The following NFATC3 variants were observed in gnomAD, a reference collection of about 807,000 sequenced individuals.
NFATC3 encodes the protein nuclear factor of activated T cells 3.
NFATC3 carries 46 observed loss-of-function variants against 98.6 expected under a neutral mutation model. The ratio of observed to expected loss-of-function variants is 0.47; its 90% CI spans 0.37 to 0.60. The LOEUF is 0.60. Among genes scored for constraint, NFATC3 ranks in the 20% least tolerant of loss-of-function variants. The probability of loss-of-function intolerance (pLI) is 0.00; values close to 1 mark genes in which losing one functional copy is unlikely to be tolerated. For missense variants in NFATC3, 1,256 were observed against 1,295.5 expected (o/e 0.97, Z 0.47); for synonymous variants, 512 against 472.2 (o/e 1.08, Z -1.09).
intron 9 of NFATC3, chr16:68,192,261 GTATA>G (rs71382034): frequency 9.9e-6 from 1 of 101,404 alleles, no homozygotes; most frequent in African/African-American, 3.8e-5. Flanking sequence ...ATATGTATGT[GTATA>G]TATATATGTA....
intron 3 of NFATC3, among the ~76,000 whole-genome samples, chr16:68,147,755 GAAAAAAAA>G (rs1191298518): frequency 1.1e-5 from 1 of 87,772 alleles, no homozygotes; most frequent in Non-Finnish European, 2.4e-5. Flanking sequence ...TCTGTGAACT[GAAAAAAAA>G]AAAAAAAAAA....
intron 4 of NFATC3, among the ~76,000 whole-genome samples, chr16:68,163,963 G>A (rs1460748911): frequency 2.6e-5 from 4 of 151,680 alleles, no homozygotes; most frequent in South Asian, 2.1e-4. Flanking sequence ...GACGATGGGC[G>A]GCCAGGCAGA....
chr16:68,108,711 A>G (rs961535985), intron 1 of NFATC3, among the ~76,000 whole-genome samples: 2 of 152,188 alleles, frequency 1.3e-5, no homozygotes, highest in Non-Finnish European at 2.9e-5. Flanking sequence ...ATCCATGAGC[A>G]TGGAATGTTT....
chr16:68,186,400 C>T (rs1265966898), intron 8 of NFATC3, among the ~76,000 whole-genome samples: 1 of 151,906 alleles, frequency 6.6e-6, no homozygotes, highest in African/African-American at 2.4e-5. Context: ...ATGAGCCGGG[C>T]GTGGTGTCGT....
In NFATC3 at chr16:68,228,170, AAGTT is replaced by A. The variant is rs1275253177; in HGVS notation, c.*1706_*1709del. ...AAATATATTTTAGATTTCTCCCCTAAAGTTAGTTAGAGAAAAAGGTCTATTCTTC... is the reference window on the plus strand; with the variant it reads ...AAATATATTTTAGATTTCTCCCCTAAAGTTAGAGAAAAAGGTCTATTCTTC... On this transcript the variant is annotated 3_prime_UTR_variant, in exon 10 of 10. Transcript: ENST00000346183. 7 of 152,118 alleles carry A rather than the reference AAGTT, an allele frequency of 4.6e-5. No homozygotes were observed. The highest frequency in any genetic ancestry group is 2.1e-4 in the South Asian group (1 of 4,826). 9.4% of individuals were successfully genotyped at this position (152,118 alleles called of 1,614,324 possible).
chr16:68,104,653 G>GTTTTTTTT lies in NFATC3; in HGVS notation c.104-17325_104-17318dup, dbSNP rs778016298. On this transcript the variant is annotated intron_variant, in intron 1 of 9. Coordinates refer to ENST00000346183, the MANE Select transcript of NFATC3 (RefSeq NM_173165.3). The stretch of plus-strand genomic sequence containing the variant: ...GTTAGCTGTGGGCTTTTCACAAATG[G>GTTTTTTTT]TTTTTTTTTTTTTTTTGAAATGGAG... Among the ~76,000 whole-genome samples, 21 of 126,694 alleles carry GTTTTTTTT rather than the reference G, an allele frequency of 1.7e-4. 1 individual carries two copies. The highest frequency in any genetic ancestry group is 4.1e-4 in the African/African-American group (13 of 31,858). The allele number at this position is 126,694 out of a possible 152,430, so 83.1% of individuals were successfully genotyped here.
Position 68,228,677 on chromosome 16 carries a change from C to G in NFATC3, c.*2206C>G, listed in dbSNP as rs1380104715. The G allele has an allele frequency of 6.6e-6, 1 of 152,600 alleles. No individual in the cohort carries two copies. Among genetic ancestry groups the G allele is most frequent in the Non-Finnish European group, 1.5e-5 (1 of 68,032 alleles). The allele number at this position is 152,600 out of a possible 1,614,324, so 9.5% of individuals were successfully genotyped here. On this transcript the variant is annotated 3_prime_UTR_variant, in exon 10 of 10. Coordinates refer to ENST00000346183, the MANE Select transcript of NFATC3 (RefSeq NM_173165.3). The stretch of plus-strand genomic sequence containing the variant: ...TATTTTTTGGCTTTGTAGATAAAGA[C>G]TTAAATTTTTGTGCAACATAGTGGT...
chr16:68,143,892 A>C (rs1324827707), intron 3 of NFATC3, among the ~76,000 whole-genome samples: 2 of 152,174 alleles, frequency 1.3e-5, no homozygotes, highest in African/African-American at 2.4e-5. Context: ...TAAAAGTATA[A>C]AACTTTTAGA....
chr16:68,134,472 C>T (rs1252825110), intron 3 of NFATC3, among the ~76,000 whole-genome samples: 2 of 152,122 alleles, frequency 1.3e-5, no homozygotes, highest in Admixed American at 6.6e-5. Context: ...GAATTACAGA[C>T]GTGAGCCACT....
At chr16:68,178,527 A>G (rs965212572) in intron 6 of NFATC3, among the ~76,000 whole-genome samples, 5 of 152,242 alleles carry the variant, frequency 3.3e-5, no homozygotes, top group African/African-American at 4.8e-5. Context: ...GTGCTCTGAT[A>G]GAGCTTACAT....
intron 3 of NFATC3, among the ~76,000 whole-genome samples, chr16:68,127,122 A>C (rs565042100): frequency 1.3e-5 from 2 of 152,236 alleles, no homozygotes; most frequent in Non-Finnish European, 2.9e-5. Flanking sequence ...CTGAGGCAGG[A>C]GAATTGCTTG....
intron 1 of NFATC3, among the ~76,000 whole-genome samples, chr16:68,110,837 G>A (rs1428839717): frequency 6.6e-6 from 1 of 152,154 alleles, no homozygotes; most frequent in Non-Finnish European, 1.5e-5. Context: ...ATATCCCAGA[G>A]ATTCTGGTAC....
intron 9 of NFATC3, among the ~76,000 whole-genome samples, chr16:68,195,035 C>T (rs1244590574): frequency 6.6e-6 from 1 of 150,634 alleles, no homozygotes; most frequent in Non-Finnish European, 1.5e-5. Context: ...GGTGGATCAC[C>T]TAAGGTCAGG....
chr16:68,086,349 T>A (rs575759805), intron 1 of NFATC3, among the ~76,000 whole-genome samples: 5 of 152,332 alleles, frequency 3.3e-5, no homozygotes, highest in Middle Eastern at 3.4e-3. Flanking sequence ...TTCTGGAAAC[T>A]GGATTTCCTT....
At chr16:68,092,583 A>G (rs2034783564) in intron 1 of NFATC3, among the ~76,000 whole-genome samples, 1 of 151,894 alleles carries the variant, frequency 6.6e-6, no homozygotes. Flanking sequence ...AACATGGAGA[A>G]ACCCCGCCTC....
intron 1 of NFATC3, among the ~76,000 whole-genome samples, chr16:68,116,541 C>G (rs758798700): frequency 6.6e-6 from 1 of 152,100 alleles, no homozygotes; most frequent in South Asian, 2.1e-4. Context: ...TAGGACTGTT[C>G]GTCATAGTTA....
intron 4 of NFATC3, among the ~76,000 whole-genome samples, chr16:68,164,054 TG>T (rs1462359701): frequency 6.6e-6 from 1 of 152,030 alleles, no homozygotes; most frequent in Non-Finnish European, 1.5e-5. Context: ...GGCAGGCGGC[TG>T]GGAGGTGGAG....
At chr16:68,155,763 G>A (rs1388962820) in intron 3 of NFATC3, among the ~76,000 whole-genome samples, 1 of 152,078 alleles carries the variant, frequency 6.6e-6, no homozygotes, top group Non-Finnish European at 1.5e-5. Flanking sequence ...TTTTCTGCTT[G>A]AGTCTCTAGA....
Position 68,114,245 on chromosome 16 carries a change from G to C in NFATC3, c.104-7742G>C, listed in dbSNP as rs186831472. ...TTGTCGCTCTACCCTGCTTTTCCTAGCTCTGTGTGGATCACACCAACCACC... is the reference window on the plus strand; with the variant it reads ...TTGTCGCTCTACCCTGCTTTTCCTACCTCTGTGTGGATCACACCAACCACC... On this transcript the variant is annotated intron_variant, in intron 1 of 9. Coordinates refer to ENST00000346183, the MANE Select transcript of NFATC3 (RefSeq NM_173165.3). 2.0e-5 allele frequency among the ~76,000 whole-genome samples: 3 copies of C among 152,188 alleles called. No homozygotes were observed. In the East Asian group the frequency reaches 5.8e-4, roughly 29 times the overall value.
Sources: allele counts gnomAD v4.1 joint callset (sites outside exome capture counted in the v4.1 genomes callset), GRCh38; gene constraint gnomAD v4.1.1; transcripts MANE v1.5; gene names NCBI Gene and HGNC (gene_info 2026-07-23, HGNC 2026-07-21).